KMO: variants seen among roughly 807,000 people sequenced by gnomAD.
KMO encodes the protein kynurenine 3-monooxygenase, also known as kynurenine 3-hydroxylase.
A neutral mutation model predicts 57.8 loss-of-function variants in KMO; 24 were observed. The ratio of observed to expected loss-of-function variants is 0.42; its 90% CI spans 0.30 to 0.58. KMO has a LOEUF of 0.58. KMO is among the 20% of genes least tolerant of loss of function. The probability of loss-of-function intolerance (pLI) is 0.22; values close to 1 mark genes in which losing one functional copy is unlikely to be tolerated. For missense variants in KMO, 483 were observed against 588.2 expected, an observed-to-expected ratio of 0.82 and a Z score of 1.85; for synonymous variants, 210 against 193.6, an observed-to-expected ratio of 1.08 and a Z score of -0.70.
At chr1:241,571,337 T>C (rs1032266886) in intron 10 of KMO, among the ~76,000 whole-genome samples, 1 of 152,082 alleles carries the variant, frequency 6.6e-6, no homozygotes, top group African/African-American at 2.4e-5. Flanking sequence ...ATGGTGAAAA[T>C]GGTTGTTCTT....
At chr1:241,582,825 G>A (rs1170813282) in intron 10 of KMO, among the ~76,000 whole-genome samples, 2 of 152,120 alleles carry the variant, frequency 1.3e-5, no homozygotes, top group Non-Finnish European at 2.9e-5. Context: ...GATGCTTGTG[G>A]ATGTTTGTTG....
intron 9 of KMO, among the ~76,000 whole-genome samples, chr1:241,568,217 T>C (rs576646556): frequency 2.0e-5 from 3 of 152,342 alleles, no homozygotes; most frequent in Admixed American, 6.5e-5. Flanking sequence ...AGGTGCATGA[T>C]AACAAAGTTT....
At position 241,582,044 on chromosome 1, in the gene KMO, C is replaced by G. The variant is rs576473828; in HGVS notation, c.958-4635C>G. ...GAATAATTTTGCTGCATACAATATT[C>G]TAAATTGGAAGCTTTTATTCCTTTA... On this transcript the variant is annotated intron_variant, in intron 10 of 14. Coordinates refer to ENST00000366559, the MANE Select transcript of KMO (RefSeq NM_003679.5). Among the ~76,000 whole-genome samples the G allele has an allele frequency of 2.0e-5, 3 of 152,244 alleles. No homozygotes were observed. In the South Asian group the frequency reaches 6.2e-4, roughly 32 times the overall value.
chr1:241,540,049 T>C (rs1049332059), intron 1 of KMO, among the ~76,000 whole-genome samples: 1 of 152,224 alleles, frequency 6.6e-6, no homozygotes, highest in African/African-American at 2.4e-5. Context: ...GAGTACACTT[T>C]TCATTTTTTG....
rs768192954 is a variant in KMO, at chr1:241,548,903, G to T, written c.124+5G>T. ...ATGTATATGAAGCTAGGGAAGGTAC[G>T]TCCATGGTGAAAAAAGCAGGATGAA... On this transcript the variant is annotated splice_donor_5th_base_variant and intron_variant, in intron 2 of 14. Coordinates refer to ENST00000366559, the MANE Select transcript of KMO (RefSeq NM_003679.5). 2.5e-6 allele frequency: 4 copies of T among 1,596,880 alleles called. No individual in the cohort carries two copies. Among genetic ancestry groups the T allele is most frequent in the Non-Finnish European group, 3.4e-6 (4 of 1,165,238 alleles).
At chr1:241,572,877 G>A (rs2050509) in intron 10 of KMO, among the ~76,000 whole-genome samples, 42,555 of 151,952 alleles carry the variant, frequency 0.28, 6,470 homozygotes, top group East Asian at 0.39. Context: ...TTATAAGTGA[G>A]AACATACAGT....
At chr1:241,580,995 A>G (rs1043186619) in intron 10 of KMO, among the ~76,000 whole-genome samples, 1 of 151,992 alleles carries the variant, frequency 6.6e-6, no homozygotes, top group Non-Finnish European at 1.5e-5. Flanking sequence ...TTTGCTTTCT[A>G]TATCTGGGTG....
At position 241,548,810 on chromosome 1, in the gene KMO, AT is replaced by A. The variant is rs143977547; in HGVS notation, c.55-10del. On this transcript the variant is annotated intron_variant, in intron 1 of 14. Coordinates refer to ENST00000366559, the MANE Select transcript of KMO (RefSeq NM_003679.5). Reference sequence around the variant, plus strand: ...ATTTGTGGAATCAGATAAATATTTAATTTTTTTTTAATTTCTAGGTTGGCTC... The same window carrying A: ...ATTTGTGGAATCAGATAAATATTTAATTTTTTTTAATTTCTAGGTTGGCTC... The A allele has an allele frequency of 3.1e-4, 446 of 1,450,172 alleles. No individual in the cohort carries two copies. Among genetic ancestry groups the A allele is most frequent in the Non-Finnish European group, 3.5e-4 (367 of 1,042,042 alleles). The allele number at this position is 1,450,172 out of a possible 1,614,324, so 89.8% of individuals were successfully genotyped here.
In KMO at chr1:241,550,982, G is replaced by A; in HGVS notation, c.250G>A (p.Ala84Thr). The change falls in exon 4 of 15, where the codon GCA (alanine) becomes ACA (threonine). Residue 84 changes from alanine (A) to threonine (T), a missense_variant. Around this residue, in one of 3 missense-constraint regions of KMO, gnomAD observed 410 missense variants for 492.3 expected, o/e 0.83. Coordinates refer to ENST00000366559, the MANE Select transcript of KMO (RefSeq NM_003679.5). ...TGTATCCCAAGGTATTCCCATGAGA[G>A]CAAGAATGATCCACTCTCTTTCAGG... ...QIVSQGIPMR[A>T]RMIHSLSGKK... 1.3e-6 allele frequency: 2 copies of A among 1,551,926 alleles called. No homozygotes were observed. The highest frequency in any genetic ancestry group is 1.2e-5 in the South Asian group (1 of 80,716).
In KMO at chr1:241,593,726, G is replaced by A. The variant is rs1663401928; in HGVS notation, c.*1573G>A. On this transcript the variant is annotated 3_prime_UTR_variant, in exon 15 of 15. Transcript: ENST00000366559. ...AGAACTCCCTGGCTTATATAGCATCGACAAAGAACAGTAAATTTTTAGAGA... is the reference window on the plus strand; with the variant it reads ...AGAACTCCCTGGCTTATATAGCATCAACAAAGAACAGTAAATTTTTAGAGA... The A allele has an allele frequency of 1.3e-5, 2 of 155,236 alleles. No homozygotes were observed. The highest frequency in any genetic ancestry group is 1.9e-4 in the South Asian group (1 of 5,190). 9.6% of individuals were successfully genotyped at this position (155,236 alleles called of 1,614,324 possible).
chr1:241,542,397 G>A (rs935521018), intron 1 of KMO, among the ~76,000 whole-genome samples: 1 of 152,228 alleles, frequency 6.6e-6, no homozygotes, highest in Non-Finnish European at 1.5e-5. Flanking sequence ...GTGGAGAAGC[G>A]AGATAATGAT....
At chr1:241,568,384 G>A (rs758297450) in intron 9 of KMO, 116 bp from the exon 10 acceptor site, 1 of 997,462 alleles carries the variant, frequency 1.0e-6, no homozygotes, top group Non-Finnish European at 1.5e-6. Flanking sequence ...TTTTCTTCTT[G>A]GCATTCTTGT....
chr1:241,532,767 T>G (rs113134199), intron 1 of KMO, among the ~76,000 whole-genome samples: 2,145 of 152,286 alleles, frequency 0.014, 59 homozygotes, highest in African/African-American at 0.048. Context: ...TGGTTTAGGA[T>G]TTGTTAAAAA....
At chr1:241,590,396 T>C in intron 14 of KMO, 133 bp downstream of exon 14, 2 of 730,408 alleles carry the variant, frequency 2.7e-6, no homozygotes, top group Non-Finnish European at 4.7e-6. Flanking sequence ...AAACAGAAAC[T>C]GTCCTGAGTA....
At chr1:241,559,039 G>T (rs1470442155) in intron 5 of KMO, among the ~76,000 whole-genome samples, 3 of 151,716 alleles carry the variant, frequency 2.0e-5, no homozygotes, top group African/African-American at 7.3e-5. Flanking sequence ...GGCGGAGGCT[G>T]CAGTGAGCTG....
In KMO at chr1:241,594,849, C is replaced by G. The variant is rs1663451355; in HGVS notation, c.*2696C>G. On this transcript the variant is annotated 3_prime_UTR_variant, in exon 15 of 15. Transcript: ENST00000366559. ...TGGTCATGCTCAGATCTACCTAAATCACCCCAGAGCTTTATGTCTTTTATT... is the reference window on the plus strand; with the variant it reads ...TGGTCATGCTCAGATCTACCTAAATGACCCCAGAGCTTTATGTCTTTTATT... 1.4e-6 allele frequency: 1 copy of G among 704,932 alleles called. No homozygotes were observed. The highest frequency in any genetic ancestry group is 2.7e-5 in the East Asian group (1 of 36,990). 43.7% of individuals were successfully genotyped at this position (704,932 alleles called of 1,614,324 possible).
intron 5 of KMO, among the ~76,000 whole-genome samples, chr1:241,559,037 C>T (rs1661740063): frequency 1.3e-5 from 2 of 151,196 alleles, no homozygotes; most frequent in African/African-American, 4.9e-5. Context: ...GAGGCGGAGG[C>T]TGCAGTGAGC....
intron 1 of KMO, among the ~76,000 whole-genome samples, chr1:241,547,062 C>T (rs1224307161): frequency 2.6e-5 from 4 of 152,184 alleles, no homozygotes; most frequent in Non-Finnish European, 5.9e-5. Flanking sequence ...ATACAGATGA[C>T]TTTACCAAAT....
At position 241,550,079 on chromosome 1, in the gene KMO, C is replaced by CT. The variant is rs376692659; in HGVS notation, c.222+315dup. 7.5e-3 allele frequency: 1,623 copies of CT among 216,264 alleles called. 2 individuals are homozygous for CT. Among genetic ancestry groups the CT allele is most frequent in the Middle Eastern group, 0.023 (15 of 662 alleles). 13.4% of individuals were successfully genotyped at this position (216,264 alleles called of 1,614,324 possible). A position where few individuals can be genotyped will look rare whatever the true frequency, so the allele number is the denominator to read the frequency against. On this transcript the variant is annotated intron_variant, in intron 3 of 14. Transcript: ENST00000366559. Reference sequence around the variant, plus strand: ...ATCCAGGATAAAAGGAGCCAGATTCCTTTTTTTTTTCAATTGCACAGGCCC... The same window carrying CT: ...ATCCAGGATAAAAGGAGCCAGATTCCTTTTTTTTTTTCAATTGCACAGGCCC...
Sources: allele counts gnomAD v4.1 joint callset (sites outside exome capture counted in the v4.1 genomes callset), GRCh38; gene constraint gnomAD v4.1.1; regional missense constraint gnomAD v4.1.1; transcripts MANE v1.5; gene names NCBI Gene and HGNC (gene_info 2026-07-23, HGNC 2026-07-21).